The following HIVEP2 variants were observed in gnomAD, a reference collection of about 807,000 sequenced individuals.
HIVEP2 encodes the protein HIVEP zinc finger 2, also known as transcription factor HIVEP2.
HIVEP2 carries 14 observed loss-of-function variants against 180.7 expected under a neutral mutation model. That is an observed-to-expected ratio of 0.08 (90% confidence interval 0.05 to 0.12). HIVEP2 has a LOEUF of 0.12. Ranked by LOEUF, HIVEP2 falls within the 10% of genes least tolerant of loss-of-function variation. The pLI, the probability that HIVEP2 is intolerant of heterozygous loss-of-function variation, is 1.00. For synonymous variants in HIVEP2, 1,184 were observed against 1,136.4 expected (o/e 1.04, Z -0.84); for missense variants, 2,579 against 3,008.5 (o/e 0.86, Z 3.34).
chr6:142,768,664 A>G (rs1775436936), intron 5 of HIVEP2, 128 bp from the exon 6 acceptor site: 7 of 820,114 alleles, frequency 8.5e-6, no homozygotes, highest in South Asian at 5.0e-5. Context: ...AACTAGTTAT[A>G]TAAAATAAGG....
Position 142,771,136 on chromosome 6 carries a change from G to A in HIVEP2, c.3603C>T (p.Ile1201=), listed in dbSNP as rs367669018. 89 of 1,614,106 alleles carry A rather than the reference G, an allele frequency of 5.5e-5. No individual in the cohort carries two copies. The highest frequency in any genetic ancestry group is 6.2e-5 in the Non-Finnish European group (73 of 1,180,046). Residue 1201 remains isoleucine (I), a synonymous_variant, in exon 5 of 10, where the codon ATC becomes ATT. Transcript: ENST00000367603. This position sits in a 1 kb window ranked among gnomAD's most constrained non-coding sequence, Gnocchi z 5.4. ...ACTGAAACTGAAACAAGGCATTCTG[G>A]ATTGGAGAAAATGGAATTGTCTCTT... ...PHQETIPFSP[I]QNALFQFQYP... is the part of the protein sequence containing the mutation.
At chr6:142,920,009 T>C (rs1334356514) in intron 1 of HIVEP2, among the ~76,000 whole-genome samples, 2 of 152,242 alleles carry the variant, frequency 1.3e-5, no homozygotes, top group African/African-American at 4.8e-5. Context: ...TTTATGTCAT[T>C]AGACATAAAC....
In HIVEP2 at chr6:142,812,313, G is replaced by A. The variant is rs140654663; in HGVS notation, c.-528+24622C>T. ...CAGTGCCTAGTATTCACAAAGGGCC[G>A]CCAGCTCTGTTCCCAACAGCCGGAG... On this transcript the variant is annotated intron_variant, in intron 2 of 9. Coordinates refer to ENST00000367603, the MANE Select transcript of HIVEP2 (RefSeq NM_006734.4). Among the ~76,000 whole-genome samples, 97 of 152,266 alleles carry A rather than the reference G, an allele frequency of 6.4e-4. 1 individual carries two copies. Among genetic ancestry groups the A allele is most frequent in the African/African-American group, 2.1e-3 (88 of 41,550 alleles).
At chr6:142,858,492 T>G (rs891102474) in intron 1 of HIVEP2, among the ~76,000 whole-genome samples, 1 of 152,208 alleles carries the variant, frequency 6.6e-6, no homozygotes, top group Non-Finnish European at 1.5e-5. Flanking sequence ...TAACAAGTGT[T>G]TGATTAATAT....
rs1369115865 is a variant in HIVEP2, at chr6:142,760,310, G to T, written c.5978C>A (p.Thr1993Asn). The T allele has an allele frequency of 1.9e-6, 3 of 1,613,942 alleles. No homozygotes were observed. Among genetic ancestry groups the T allele is most frequent in the Admixed American group, 1.7e-5 (1 of 60,004 alleles). ...LMTPSDSCEDTQMTEYQRLFQ... is the reference protein window; with the variant it reads ...LMTPSDSCEDNQMTEYQRLFQ... ...TAGCCTCTGGTATTCTGTCATCTGG[G>T]TATCTTCACATGAATCACTGGGTGT... Residue 1993 changes from threonine (T) to asparagine (N), a missense_variant, in exon 9 of 10, where the codon ACC (threonine) becomes AAC (asparagine). Around this residue, in one of 11 missense-constraint regions of HIVEP2, gnomAD observed 660 missense variants for 731.7 expected, o/e 0.90. Transcript: ENST00000367603.
chr6:142,823,167 C>T (rs1031757687), intron 2 of HIVEP2, among the ~76,000 whole-genome samples: 1 of 152,178 alleles, frequency 6.6e-6, no homozygotes, highest in African/African-American at 2.4e-5. Context: ...CAGTAAGAAT[C>T]CTAATGCCCA....
At chr6:142,780,239 G>T (rs118123488) in intron 3 of HIVEP2, among the ~76,000 whole-genome samples, 1 of 152,068 alleles carries the variant, frequency 6.6e-6, no homozygotes, top group East Asian at 1.9e-4. Context: ...GATATCCCAC[G>T]CCATGCTTTC....
intron 1 of HIVEP2, among the ~76,000 whole-genome samples, chr6:142,878,324 T>C (rs1776496721): frequency 6.6e-6 from 1 of 152,184 alleles, no homozygotes; most frequent in Non-Finnish European, 1.5e-5. Flanking sequence ...AAAGCACAGC[T>C]CTACACCCTT....
Position 142,813,943 on chromosome 6 carries a change from G to A in HIVEP2, c.-528+22992C>T, listed in dbSNP as rs138266644. 8.6e-5 allele frequency among the ~76,000 whole-genome samples: 13 copies of A among 151,926 alleles called. No homozygotes were observed. In the East Asian group the frequency reaches 1.8e-3, roughly 20 times the overall value. On this transcript the variant is annotated intron_variant, in intron 2 of 9. Coordinates refer to ENST00000367603, the MANE Select transcript of HIVEP2 (RefSeq NM_006734.4). ...TTTATTGACTTTCTAGCAGATCCAT[G>A]CTGGTCACTGCAAATATAATGATGA...
At chr6:142,753,964 A>C (rs1270484106) in intron 9 of HIVEP2, 33 bp from the exon 10 acceptor site, 2 of 1,167,064 alleles carry the variant, frequency 1.7e-6, no homozygotes, top group South Asian at 2.8e-5. Context: ...CACAAAATTC[A>C]GAGCCTGCTA....
Position 142,770,978 on chromosome 6 carries a change from C to T in HIVEP2, c.3761G>A (p.Ser1254Asn), listed in dbSNP as rs762907016. The part of the protein sequence containing the change: ...KPSFQTEIHS[S>N]YPLEHVAEHT... ...CTCTGCCACATGCTCTAAGGGATAG[C>T]TCGAATGGATTTCTGTCTGAAAAGA... The change falls in exon 5 of 10, where the codon AGC becomes AAC. Residue 1254 changes from serine (S) to asparagine (N), a missense_variant. Ser to Asn is a conservative substitution (Grantham distance 46). Around this residue, in one of 11 missense-constraint regions of HIVEP2, gnomAD observed 523 missense variants for 577.0 expected, o/e 0.91. Coordinates refer to ENST00000367603, the MANE Select transcript of HIVEP2 (RefSeq NM_006734.4). This position sits in a 1 kb window ranked among gnomAD's most constrained non-coding sequence, Gnocchi z 4.7. 6.8e-6 allele frequency: 11 copies of T among 1,614,070 alleles called. No individual in the cohort carries two copies. In the South Asian group the frequency reaches 1.2e-4, roughly 18 times the overall value.
In HIVEP2 at chr6:142,760,402, G is replaced by A. The variant is rs780223364; in HGVS notation, c.5886C>T (p.Ser1962=). Reference sequence around the variant, plus strand: ...AGCTGATCAACGAAGAATGTCCCAGGGAACTATCTGAAGGAACCCCGTGGG... The same window carrying A: ...AGCTGATCAACGAAGAATGTCCCAGAGAACTATCTGAAGGAACCCCGTGGG... ...AVPHGVPSDS[S]LGHSSLISYL... Residue 1962 remains serine, a synonymous_variant, in exon 9 of 10, where the codon TCC becomes TCT. Coordinates refer to ENST00000367603, the MANE Select transcript of HIVEP2 (RefSeq NM_006734.4). 2.4e-5 allele frequency: 38 copies of A among 1,614,136 alleles called. No homozygotes were observed. Among genetic ancestry groups the A allele is most frequent in the Non-Finnish European group, 1.3e-5 (15 of 1,180,024 alleles).
At position 142,845,697 on chromosome 6, in the gene HIVEP2, T is replaced by C. The variant is rs1352759466; in HGVS notation, c.-640-8650A>G. ...TCCTCACTAACCAGGCTGCCAGGCTTAAATCAAATGAAGGTCGATGCAATG... is the reference window on the plus strand; with the variant it reads ...TCCTCACTAACCAGGCTGCCAGGCTCAAATCAAATGAAGGTCGATGCAATG... On this transcript the variant is annotated intron_variant, in intron 1 of 9. Transcript: ENST00000367603. 2.6e-5 allele frequency among the ~76,000 whole-genome samples: 4 copies of C among 152,288 alleles called. No homozygotes were observed. In the East Asian group the frequency reaches 7.7e-4, roughly 29 times the overall value.
At chr6:142,810,261 AT>A (rs142888012) in intron 2 of HIVEP2, among the ~76,000 whole-genome samples, 2,264 of 152,232 alleles carry the variant, frequency 0.015, 57 homozygotes, top group African/African-American at 0.048. Context: ...ATGTTGATAT[AT>A]TTTTTTCAAT....
intron 1 of HIVEP2, among the ~76,000 whole-genome samples, chr6:142,912,539 G>C (rs1777437516): frequency 6.6e-6 from 1 of 152,202 alleles, no homozygotes; most frequent in South Asian, 2.1e-4. Context: ...GTCATGTTCA[G>C]TTACCAGTAA....
At chr6:142,830,026 G>A (rs1775033842) in intron 2 of HIVEP2, among the ~76,000 whole-genome samples, 1 of 152,124 alleles carries the variant, frequency 6.6e-6, no homozygotes. Flanking sequence ...TTAATCAAGA[G>A]TATCTCTTCT....
At chr6:142,777,228 G>A (rs12527211) in intron 3 of HIVEP2, among the ~76,000 whole-genome samples, 8,186 of 152,218 alleles carry the variant, frequency 0.054, 309 homozygotes, top group Non-Finnish European at 0.071. Context: ...TACAAGAACC[G>A]CTTAAATAAA....
At chr6:142,834,889 G>T (rs1216396537) in intron 2 of HIVEP2, among the ~76,000 whole-genome samples, 1 of 151,982 alleles carries the variant, frequency 6.6e-6, no homozygotes, top group Admixed American at 6.6e-5. Flanking sequence ...CACTGATAAA[G>T]TCACTAAGAG....
In HIVEP2 at chr6:142,778,240, T is replaced by C. The variant is rs1406640628; in HGVS notation, c.-432-2049A>G. 3.3e-5 allele frequency among the ~76,000 whole-genome samples: 5 copies of C among 152,226 alleles called. No homozygotes were observed. The East Asian group carries it at 7.7e-4, about 23-fold the overall frequency. On this transcript the variant is annotated intron_variant, in intron 3 of 9. Coordinates refer to ENST00000367603, the MANE Select transcript of HIVEP2 (RefSeq NM_006734.4). ...AAATGAGGCAAAAACGAAACACAAA[T>C]GATAGTCTCATAATATTCCAATGCA...
Sources: allele counts gnomAD v4.1 joint callset (sites outside exome capture counted in the v4.1 genomes callset), GRCh38; gene constraint gnomAD v4.1.1; regional missense constraint gnomAD v4.1.1; non-coding constraint Gnocchi (gnomAD v3.1); transcripts MANE v1.5; gene names NCBI Gene and HGNC (gene_info 2026-07-23, HGNC 2026-07-21).